CCDC141: variants seen among roughly 807,000 people sequenced by gnomAD.
The protein encoded by CCDC141 is coiled-coil domain containing 141, also known as coiled-coil domain-containing protein 141.
In CCDC141, 168 loss-of-function variants were observed where a neutral mutation model predicts 181.0. The observed-to-expected ratio is 0.93, with a 90% CI of 0.82 to 1.05. The LOEUF is 1.05. Among genes scored for constraint, CCDC141 ranks in the 50% least tolerant of loss-of-function variants. The pLI is 0.00. For synonymous variants in CCDC141, 666 were observed against 642.3 expected, an observed-to-expected ratio of 1.04 and a Z score of -0.56; for missense variants, 1,902 against 1,788.5, an observed-to-expected ratio of 1.06 and a Z score of -1.14.
chr2:178,952,525 T>C (rs1689991370), intron 5 of CCDC141, among the ~76,000 whole-genome samples: 1 of 152,244 alleles, frequency 6.6e-6, no homozygotes, highest in Non-Finnish European at 1.5e-5. Context: ...CCATGCCATC[T>C]GCACCAGAGT....
chr2:178,855,270 G>T, intron 19 of CCDC141, 77 bp downstream of exon 19: 1 of 1,176,276 alleles, frequency 8.5e-7, no homozygotes, highest in Non-Finnish European at 1.2e-6. Flanking sequence ...AACAGCTAAT[G>T]CAACATTGCT....
chr2:179,026,139 A>G (rs1036022434), intron 2 of CCDC141, among the ~76,000 whole-genome samples: 2 of 152,262 alleles, frequency 1.3e-5, no homozygotes, highest in Admixed American at 6.5e-5. Flanking sequence ...AGAAATTTGC[A>G]TAAGTAATGA....
Position 178,837,099 on chromosome 2 carries a change from A to G in CCDC141, c.4120T>C (p.Phe1374Leu). 1 of 1,613,774 alleles carries G rather than the reference A, an allele frequency of 6.2e-7. No homozygotes were observed. The highest frequency in any genetic ancestry group is 8.5e-7 in the Non-Finnish European group (1 of 1,179,900). The change falls in exon 23 of 24, where the codon TTT becomes CTT. Residue 1374 changes from phenylalanine to leucine, a missense_variant. Phe to Leu is a conservative substitution (Grantham distance 22, BLOSUM62 0). Coordinates refer to ENST00000443758, the MANE Select transcript of CCDC141 (RefSeq NM_173648.4). ...ASSDAFSGLRFQSGTSRGYQR... is the reference protein window; with the variant it reads ...ASSDAFSGLRLQSGTSRGYQR... ...TAGCCCCTGCTGGTGCCTGATTGAA[A>G]CCTGAGGCCCGAGAATGCATCAGAG...
At chr2:178,905,547 A>G (rs1389147888) in intron 7 of CCDC141, 46 bp from the exon 8 acceptor site, 6 of 1,500,488 alleles carry the variant, frequency 4.0e-6, no homozygotes, top group Non-Finnish European at 5.4e-6. Context: ...CTAGTTTAAA[A>G]TCTACATCAA....
At chr2:178,929,216 C>G (rs1689011837) in intron 6 of CCDC141, among the ~76,000 whole-genome samples, 1 of 152,100 alleles carries the variant, frequency 6.6e-6, no homozygotes, top group Non-Finnish European at 1.5e-5. Flanking sequence ...TTGTAATCAT[C>G]AGATATGTGA....
intron 2 of CCDC141, among the ~76,000 whole-genome samples, chr2:179,015,129 A>G (rs1416295858): frequency 9.7e-6 from 1 of 103,246 alleles, no homozygotes; most frequent in Admixed American, 9.5e-5. Context: ...ATATATATAT[A>G]TCATATCATA....
chr2:178,975,199 A>G, intron 3 of CCDC141, 34 bp from the exon 4 acceptor site: 7 of 1,153,502 alleles, frequency 6.1e-6, no homozygotes, highest in Non-Finnish European at 8.6e-6. Context: ...GACATTTGAC[A>G]TTTGTATAAA....
At chr2:178,922,700 G>A (rs1688746578) in intron 6 of CCDC141, among the ~76,000 whole-genome samples, 1 of 152,192 alleles carries the variant, frequency 6.6e-6, no homozygotes, top group Non-Finnish European at 1.5e-5. Flanking sequence ...GTTCTCCAGC[G>A]ATTTCATAAA....
intron 5 of CCDC141, among the ~76,000 whole-genome samples, chr2:178,956,445 T>C (rs1037392548): frequency 5.9e-5 from 9 of 152,068 alleles, no homozygotes; most frequent in African/African-American, 2.2e-4. Flanking sequence ...TACAGGAGCA[T>C]GGCACCATGC....
chr2:178,869,351 T>C (rs1686005328), intron 14 of CCDC141, 46 bp from the exon 15 acceptor site: 1 of 1,414,236 alleles, frequency 7.1e-7, no homozygotes, highest in Non-Finnish European at 9.6e-7. Flanking sequence ...TAAAGAACTT[T>C]TTTACTTTAC....
rs572820481 is a variant in CCDC141, at chr2:178,885,100, A to T, written c.1528-8T>A. The T allele has an allele frequency of 5.1e-5, 79 of 1,543,382 alleles. No individual in the cohort carries two copies. The South Asian group carries it at 9.1e-4, about 18-fold the overall frequency. Reference sequence around the variant, plus strand: ...TAATTCATGTGATGTCTCCTGTAAAAGCAAAGCACTGGAGGTCAGAAACTG... The same window carrying T: ...TAATTCATGTGATGTCTCCTGTAAATGCAAAGCACTGGAGGTCAGAAACTG... On this transcript the variant is annotated splice_region_variant and splice_polypyrimidine_tract_variant and intron_variant, in intron 10 of 23. Coordinates refer to ENST00000443758, the MANE Select transcript of CCDC141 (RefSeq NM_173648.4).
intron 2 of CCDC141, among the ~76,000 whole-genome samples, chr2:178,997,784 A>G (rs1409329755): frequency 1.3e-5 from 2 of 152,138 alleles, no homozygotes; most frequent in Non-Finnish European, 2.9e-5. Flanking sequence ...GAGCTATACA[A>G]TTCTTTTAGC....
chr2:178,964,766 G>C (rs1690551540), intron 4 of CCDC141, among the ~76,000 whole-genome samples: 1 of 152,122 alleles, frequency 6.6e-6, no homozygotes, highest in South Asian at 2.1e-4. Context: ...TTTTCCCCAA[G>C]AGTAAACTGT....
At chr2:179,038,559 T>C (rs557426786) in intron 2 of CCDC141, among the ~76,000 whole-genome samples, 8 of 152,282 alleles carry the variant, frequency 5.3e-5, no homozygotes, top group Admixed American at 1.3e-4. Flanking sequence ...CTAAATGCAT[T>C]CTTAGTAAAT....
Position 178,830,200 on chromosome 2 carries a change from A to G in CCDC141, c.*3973T>C, listed in dbSNP as rs185341361. 6.6e-6 allele frequency: 1 copy of G among 152,328 alleles called. No homozygotes were observed. The highest frequency in any genetic ancestry group is 6.5e-5 in the Admixed American group (1 of 15,294). 9.4% of individuals were successfully genotyped at this position (152,328 alleles called of 1,614,324 possible). On this transcript the variant is annotated 3_prime_UTR_variant, in exon 24 of 24. Coordinates refer to ENST00000443758, the MANE Select transcript of CCDC141 (RefSeq NM_173648.4). Reference sequence around the variant, plus strand: ...AAGTACATATGTTTTAAAATGTTGGAACACTTTAAAATGTTGGAACAATAT... The same window carrying G: ...AAGTACATATGTTTTAAAATGTTGGGACACTTTAAAATGTTGGAACAATAT...
Position 178,836,941 on chromosome 2 carries a change from C to A in CCDC141, c.4278G>T (p.Val1426=). The change falls in exon 23 of 24, where the codon GTG becomes GTT. Residue 1426 remains valine, a synonymous_variant. Coordinates refer to ENST00000443758, the MANE Select transcript of CCDC141 (RefSeq NM_173648.4). The stretch of plus-strand genomic sequence containing the variant: ...ATCCTGTTACTTCAACTTCCAAAGT[C>A]ACTGGAGAACCTTCCATGACAGTTA... ...SNVTVMEGSP[V]TLEVEVTGFP... The A allele has an allele frequency of 1.9e-6, 3 of 1,613,726 alleles. No homozygotes were observed. In the South Asian group the frequency reaches 3.3e-5, roughly 18 times the overall value.
chr2:178,865,270 G>A (rs529662776), intron 17 of CCDC141, among the ~76,000 whole-genome samples: 5 of 152,156 alleles, frequency 3.3e-5, no homozygotes, highest in East Asian at 1.9e-4. Context: ...CTAATACTTC[G>A]TAGCCTCCAA....
chr2:178,895,296 C>T (rs1391669404), intron 8 of CCDC141, among the ~76,000 whole-genome samples: 1 of 152,142 alleles, frequency 6.6e-6, no homozygotes, highest in Non-Finnish European at 1.5e-5. Flanking sequence ...CACATCTCTT[C>T]CTGTCTCTTT....
intron 2 of CCDC141, among the ~76,000 whole-genome samples, chr2:179,036,615 G>A (rs752841489): frequency 1.3e-5 from 2 of 152,198 alleles, no homozygotes; most frequent in Admixed American, 6.5e-5. Flanking sequence ...CCTCATAGTT[G>A]TGAGAACACT....
Sources: allele counts gnomAD v4.1 joint callset (sites outside exome capture counted in the v4.1 genomes callset), GRCh38; gene constraint gnomAD v4.1.1; transcripts MANE v1.5; gene names NCBI Gene and HGNC (gene_info 2026-07-23, HGNC 2026-07-21).